The following ABCA5 variants were observed in gnomAD, a reference collection of about 807,000 sequenced individuals.
The protein encoded by ABCA5 is ATP binding cassette subfamily A member 5, also known as cholesterol transporter ABCA5.
Under a neutral mutation model 206.0 loss-of-function variants are expected in ABCA5, and 163 were observed. The ratio of observed to expected loss-of-function variants is 0.79; its 90% CI spans 0.70 to 0.90. The LOEUF is 0.90. Ranked by LOEUF, ABCA5 falls within the 40% of genes least tolerant of loss-of-function variation. The probability of loss-of-function intolerance (pLI) is 0.00; values close to 1 mark genes in which losing one functional copy is unlikely to be tolerated. For synonymous variants in ABCA5, 609 were observed against 613.8 expected, an observed-to-expected ratio of 0.99 and a Z score of 0.11; for missense variants, 1,859 against 1,912.9, an observed-to-expected ratio of 0.97 and a Z score of 0.53.
At chr17:69,298,767 G>A (rs1364176265) in intron 9 of ABCA5, among the ~76,000 whole-genome samples, 2 of 152,058 alleles carry the variant, frequency 1.3e-5, no homozygotes, top group African/African-American at 2.4e-5. Context: ...CAGAAAAAAG[G>A]CAAAGACTTC....
chr17:69,262,973 T>C (rs1282566422), intron 24 of ABCA5, among the ~76,000 whole-genome samples: 1 of 152,244 alleles, frequency 6.6e-6, no homozygotes, highest in East Asian at 1.9e-4. Flanking sequence ...TGATTTACAT[T>C]TCTCTGATGA....
rs2075594227 is a variant in ABCA5, at chr17:69,297,276, A to C, written c.1351T>G (p.Ser451Ala). The change falls in exon 10 of 39, where the codon TCA (serine) becomes GCA (alanine). Residue 451 changes from serine to alanine, a missense_variant. Physicochemically the swap from Ser to Ala is moderately conservative, Grantham distance 99. Transcript: ENST00000392676. Reference protein sequence around the residue: ...SKSKRNYEELSEGNVNGNISF... With the variant: ...SKSKRNYEELAEGNVNGNISF... ...ATATTTCCATTAACATTGCCCTCTG[A>C]TAACTCCTCATAATTTCTTTTGCTC... The C allele has an allele frequency of 6.2e-7, 1 of 1,613,074 alleles. No homozygotes were observed. The highest frequency in any genetic ancestry group is 8.5e-7 in the Non-Finnish European group (1 of 1,179,560).
chr17:69,259,747 T>C lies in ABCA5; in HGVS notation c.3690A>G (p.Lys1230=), dbSNP rs2075125028. The change falls in exon 28 of 39, where the codon AAA becomes AAG. Residue 1230 remains lysine (K), a synonymous_variant. Coordinates refer to ENST00000392676, the MANE Select transcript of ABCA5 (RefSeq NM_172232.4). Reference sequence around the variant, plus strand: ...TTCTTATTGATCTGCCTCCATATTTTTTCTCATAGTATTGTAAGAGGAAAA... The same window carrying C: ...TTCTTATTGATCTGCCTCCATATTTCTTCTCATAGTATTGTAAGAGGAAAA... ...LWIFLLQYYE[K]KYGGRSIRKD... is the part of the protein sequence containing the mutation. 1 of 1,609,742 alleles carries C rather than the reference T, an allele frequency of 6.2e-7. No homozygotes were observed.
In ABCA5 at chr17:69,318,842, T is replaced by C. The variant is rs556787646; in HGVS notation, c.-15-4412A>G. ...AGGAATATTGTGGGGATTTGATCCC[T>C]TTATGAATCTTGTGATAGATTAATG... On this transcript the variant is annotated intron_variant, in intron 1 of 38. Transcript: ENST00000392676. 17 of 704,662 alleles carry C rather than the reference T, an allele frequency of 2.4e-5. No individual in the cohort carries two copies. In the East Asian group the frequency reaches 4.1e-4, roughly 17 times the overall value. The allele number at this position is 704,662 out of a possible 1,614,324, so 43.7% of individuals were successfully genotyped here. A position where few individuals can be genotyped will look rare whatever the true frequency, so the allele number is the denominator to read the frequency against.
intron 1 of ABCA5, chr17:69,316,952 A>G: frequency 6.6e-6 from 1 of 152,222 alleles, no homozygotes; most frequent in East Asian, 1.9e-4. Flanking sequence ...ACCCAAAAGA[A>G]ATGAACATAA....
intron 24 of ABCA5, among the ~76,000 whole-genome samples, chr17:69,262,795 G>A (rs1309507069): frequency 2.0e-5 from 3 of 152,052 alleles, no homozygotes. Flanking sequence ...AGTTTTTTGA[G>A]AACTCTCCAA....
At chr17:69,259,642 G>T in intron 28 of ABCA5, 64 bp downstream of exon 28, 2 of 1,100,872 alleles carry the variant, frequency 1.8e-6, no homozygotes, top group Non-Finnish European at 2.6e-6. Flanking sequence ...TTATGTTATG[G>T]TAATGGTTAC....
chr17:69,294,555 A>T, intron 11 of ABCA5, 100 bp downstream of exon 11: 1 of 1,045,904 alleles, frequency 9.6e-7, no homozygotes, highest in Non-Finnish European at 1.4e-6. Context: ...GCAAGACAGA[A>T]AATCATGGTA....
At position 69,310,166 on chromosome 17, in the gene ABCA5, G is replaced by A. The variant is rs573324802; in HGVS notation, c.308-743C>T. ...CGTTATTTTATTTTATATTTTTTTAGAGACAGGGCTTTGTTCTGTTACCCA... is the reference window on the plus strand; with the variant it reads ...CGTTATTTTATTTTATATTTTTTTAAAGACAGGGCTTTGTTCTGTTACCCA... On this transcript the variant is annotated intron_variant, in intron 3 of 38. Coordinates refer to ENST00000392676, the MANE Select transcript of ABCA5 (RefSeq NM_172232.4). Among the ~76,000 whole-genome samples the A allele has an allele frequency of 5.5e-3, 833 of 151,932 alleles. 8 individuals carry two copies. Among genetic ancestry groups the A allele is most frequent in the Non-Finnish European group, 8.5e-3 (576 of 67,972 alleles).
intron 1 of ABCA5, among the ~76,000 whole-genome samples, chr17:69,322,313 T>A (rs962076728): frequency 2.6e-4 from 34 of 128,936 alleles, no homozygotes; most frequent in Non-Finnish European, 4.3e-4. Flanking sequence ...AAAGTTGCAG[T>A]CAGCTGACAC....
At chr17:69,265,732 A>G (rs745737257) in intron 23 of ABCA5, among the ~76,000 whole-genome samples, 3 of 152,202 alleles carry the variant, frequency 2.0e-5, no homozygotes, top group Non-Finnish European at 4.4e-5. Context: ...AATTATGAGA[A>G]CATGAGACAC....
chr17:69,299,921 T>C (rs182952306), intron 9 of ABCA5, among the ~76,000 whole-genome samples: 124 of 152,280 alleles, frequency 8.1e-4, no homozygotes, highest in African/African-American at 2.9e-3. Flanking sequence ...TGAGAGATAC[T>C]GCAATGGTCT....
In ABCA5 at chr17:69,283,963, A is replaced by G. The variant is rs2075424157; in HGVS notation, c.2382T>C (p.Ile794=). ...TAGTTCTGTTTTTACCTGCTTGGTC[A>G]ATTTCTGCTTCAACTTCTAGCTTTA... is the stretch of plus-strand genomic sequence containing the variant. ...VFLKLEVEAE[I]DQADYSVFTQ... Residue 794 remains isoleucine, a synonymous_variant, in exon 18 of 39, where the codon ATT becomes ATC. Transcript: ENST00000392676. 1 of 1,607,696 alleles carries G rather than the reference A, an allele frequency of 6.2e-7. No homozygotes were observed. The highest frequency in any genetic ancestry group is 2.3e-5 in the East Asian group (1 of 44,280).
intron 5 of ABCA5, among the ~76,000 whole-genome samples, chr17:69,307,529 G>A (rs1347203508): frequency 6.6e-6 from 1 of 151,888 alleles, no homozygotes; most frequent in Non-Finnish European, 1.5e-5. Context: ...AAAAACTTTG[G>A]CCAAAATACA....
At chr17:69,255,485 T>C in intron 31 of ABCA5, 58 bp downstream of exon 31, 2 of 1,104,764 alleles carry the variant, frequency 1.8e-6, no homozygotes, top group Non-Finnish European at 2.4e-6. Context: ...ACTAAAAGTT[T>C]ATGTTAATTA....
rs1272407197 is a variant in ABCA5 at position 69,247,421 on chromosome 17, A to G, written c.*116T>C. ...CATTTCAATTAAGGAGCTTAGAAAA[A>G]TTTCAAGTGCGTTCTTGGTTCTCCA... On this transcript the variant is annotated 3_prime_UTR_variant, in exon 39 of 39. Coordinates refer to ENST00000392676, the MANE Select transcript of ABCA5 (RefSeq NM_172232.4). 1.5e-6 allele frequency: 1 copy of G among 651,380 alleles called. No individual in the cohort carries two copies. The highest frequency in any genetic ancestry group is 2.9e-5 in the East Asian group (1 of 34,636). 40.4% of individuals were successfully genotyped at this position (651,380 alleles called of 1,614,324 possible). A position where few individuals can be genotyped will look rare whatever the true frequency, so the allele number is the denominator to read the frequency against.
At chr17:69,299,858 A>G (rs779304926) in intron 9 of ABCA5, among the ~76,000 whole-genome samples, 3 of 152,054 alleles carry the variant, frequency 2.0e-5, no homozygotes, top group Non-Finnish European at 4.4e-5. Flanking sequence ...AAAATAATAA[A>G]ACCTCAAAAA....
At chr17:69,256,538 C>T (rs1410134632) in intron 28 of ABCA5, among the ~76,000 whole-genome samples, 1 of 151,200 alleles carries the variant, frequency 6.6e-6, no homozygotes, top group Non-Finnish European at 1.5e-5. Context: ...TCACTATAAC[C>T]TCTGCCTCCT....
chr17:69,278,005 C>T (rs2075352742), intron 18 of ABCA5, among the ~76,000 whole-genome samples, 163 bp from the exon 19 acceptor site: 2 of 152,042 alleles, frequency 1.3e-5, no homozygotes, highest in South Asian at 2.1e-4. Flanking sequence ...ATATGTATAT[C>T]TTATGACCCA....
Sources: allele counts gnomAD v4.1 joint callset (sites outside exome capture counted in the v4.1 genomes callset), GRCh38; gene constraint gnomAD v4.1.1; transcripts MANE v1.5; gene names NCBI Gene and HGNC (gene_info 2026-07-23, HGNC 2026-07-21).